TAS2R1: variants seen among roughly 807,000 people sequenced by gnomAD.
TAS2R1 encodes the protein taste receptor type 2 member 1.
For synonymous variants in TAS2R1, 141 were observed against 134.2 expected, an observed-to-expected ratio of 1.05 and a Z score of -0.35; for missense variants, 370 against 353.4, an observed-to-expected ratio of 1.05 and a Z score of -0.38.
At chr5:9,783,970 G>A in the TAS2R1 span, among the ~76,000 whole-genome samples, 2 of 152,286 alleles carry the variant, frequency 1.3e-5, no homozygotes, top group South Asian at 4.1e-4. Context: ...CTTCCTGGCT[G>A]TATGACCTTG....
the TAS2R1 span, among the ~76,000 whole-genome samples, chr5:9,823,453 G>A: frequency 5.8e-3 from 865 of 150,358 alleles, 3 homozygotes; most frequent in Non-Finnish European, 9.6e-3. Context: ...GAGAGGGAGG[G>A]AGGAAGGGAG....
At chr5:9,686,828 A>T (rs993642153) in intron 1 of TAS2R1, among the ~76,000 whole-genome samples, 1 of 152,256 alleles carries the variant, frequency 6.6e-6, no homozygotes, top group Admixed American at 6.5e-5. Flanking sequence ...ATTTAAAGCC[A>T]TATCTATCAG....
chr5:9,873,625 G>C, the TAS2R1 span, among the ~76,000 whole-genome samples: 2 of 151,918 alleles, frequency 1.3e-5, no homozygotes, highest in African/African-American at 4.8e-5. Flanking sequence ...CTAGCACTTT[G>C]GGAGGCCGAG....
the TAS2R1 span, among the ~76,000 whole-genome samples, chr5:9,884,551 G>C: frequency 6.6e-6 from 1 of 151,248 alleles, no homozygotes. Context: ...AGTTTTGGAG[G>C]AGACAATCAA....
chr5:9,654,574 G>A (rs920693868), intron 2 of TAS2R1, among the ~76,000 whole-genome samples: 12 of 152,174 alleles, frequency 7.9e-5, no homozygotes, highest in East Asian at 1.9e-4. Flanking sequence ...ATGGGAATAA[G>A]TGCATAGTCC....
At chr5:9,758,385 T>C in the TAS2R1 span, among the ~76,000 whole-genome samples, 1 of 152,216 alleles carries the variant, frequency 6.6e-6, no homozygotes, top group African/African-American at 2.4e-5. Context: ...CTACAGCAAC[T>C]GCCCCAGGTC....
intron 2 of TAS2R1, among the ~76,000 whole-genome samples, chr5:9,658,983 T>C (rs557380481): frequency 6.6e-6 from 1 of 152,330 alleles, no homozygotes; most frequent in South Asian, 2.1e-4. Flanking sequence ...ACTCTGCCTT[T>C]CCAGAAGAGG....
the TAS2R1 span, among the ~76,000 whole-genome samples, chr5:9,849,658 G>A: frequency 6.6e-6 from 1 of 152,118 alleles, no homozygotes; most frequent in African/African-American, 2.4e-5. Context: ...ATCATGTTGA[G>A]GTACAAAGGT....
chr5:9,803,364 G>A, the TAS2R1 span, among the ~76,000 whole-genome samples: 1 of 152,156 alleles, frequency 6.6e-6, no homozygotes, highest in South Asian at 2.1e-4. Flanking sequence ...TAGAGATCTA[G>A]ACTTCCAAAT....
the TAS2R1 span, among the ~76,000 whole-genome samples, chr5:9,826,138 A>G: frequency 1.3e-5 from 2 of 152,182 alleles, no homozygotes; most frequent in African/African-American, 4.8e-5. Flanking sequence ...TAGATTTATA[A>G]AATATTTTTA....
At chr5:9,857,281 C>G in the TAS2R1 span, among the ~76,000 whole-genome samples, 1 of 152,016 alleles carries the variant, frequency 6.6e-6, no homozygotes, top group Non-Finnish European at 1.5e-5. Flanking sequence ...TTTCAAAATG[C>G]CTAGAAGAAT....
the TAS2R1 span, among the ~76,000 whole-genome samples, chr5:9,798,493 A>G: frequency 6.6e-6 from 1 of 152,216 alleles, no homozygotes; most frequent in African/African-American, 2.4e-5. Flanking sequence ...ATTAGAAAAA[A>G]TTATATTTAT....
intron 2 of TAS2R1, among the ~76,000 whole-genome samples, chr5:9,636,904 T>C (rs1186633900): frequency 6.6e-6 from 1 of 152,158 alleles, no homozygotes; most frequent in Non-Finnish European, 1.5e-5. Flanking sequence ...AAGTGAAGCA[T>C]TTAGGCCATT....
chr5:9,644,179 A>G (rs966221429), intron 2 of TAS2R1, among the ~76,000 whole-genome samples: 7 of 152,158 alleles, frequency 4.6e-5, no homozygotes, highest in East Asian at 3.9e-4. Flanking sequence ...TTTATATCCT[A>G]CAACATTTAC....
intron 2 of TAS2R1, among the ~76,000 whole-genome samples, chr5:9,638,608 G>A (rs1740012688): frequency 6.6e-6 from 1 of 152,146 alleles, no homozygotes; most frequent in Non-Finnish European, 1.5e-5. Context: ...TAGTAGCAGG[G>A]GGCTGTAAGC....
the TAS2R1 span, among the ~76,000 whole-genome samples, chr5:9,795,354 G>A: frequency 6.6e-6 from 1 of 152,168 alleles, no homozygotes. Context: ...AGAGGACAAA[G>A]TAATATCTTC....
chr5:9,870,960 G>A, the TAS2R1 span, among the ~76,000 whole-genome samples: 1 of 152,136 alleles, frequency 6.6e-6, no homozygotes, highest in Non-Finnish European at 1.5e-5. Context: ...GAAAACATAA[G>A]TACCAGAAGA....
intron 2 of TAS2R1, among the ~76,000 whole-genome samples, chr5:9,649,464 C>A (rs949579289): frequency 6.6e-6 from 1 of 152,138 alleles, no homozygotes; most frequent in African/African-American, 2.4e-5. Context: ...CAGGGAGACT[C>A]CAGCTACATC....
the TAS2R1 span, among the ~76,000 whole-genome samples, chr5:9,806,687 G>A: frequency 6.6e-6 from 1 of 152,070 alleles, no homozygotes; most frequent in Non-Finnish European, 1.5e-5. Context: ...GGGACAATTG[G>A]CAAGCCACGT....
Sources: allele counts gnomAD v4.1 joint callset (sites outside exome capture counted in the v4.1 genomes callset), GRCh38; gene constraint gnomAD v4.1.1; transcripts MANE v1.5; gene names NCBI Gene and HGNC (gene_info 2026-07-23, HGNC 2026-07-21).